SCN3A: variants seen among roughly 807,000 people sequenced by gnomAD.
The protein encoded by SCN3A is sodium channel protein type 3 subunit alpha.
SCN3A carries 60 observed loss-of-function variants against 187.6 expected under a neutral mutation model. The ratio of observed to expected loss-of-function variants is 0.32; its 90% CI spans 0.26 to 0.40. The LOEUF is 0.40. SCN3A is among the 10% of genes least tolerant of loss of function. The pLI is 1.00. For missense variants in SCN3A, 1,601 were observed against 2,428.2 expected, an observed-to-expected ratio of 0.66 and a Z score of 7.16; for synonymous variants, 788 against 829.2, an observed-to-expected ratio of 0.95 and a Z score of 0.85.
chr2:165,163,483 A>G (rs1490163878), intron 7 of SCN3A, 135 bp downstream of exon 7: 15 of 1,070,188 alleles, frequency 1.4e-5, no homozygotes, highest in Non-Finnish European at 2.0e-5. Flanking sequence ...AGCTAAACTG[A>G]CATTGAAACA....
chr2:165,090,247 G>C lies in SCN3A; in HGVS notation c.5906C>G (p.Ser1969Cys), dbSNP rs1412791465. 3.1e-6 allele frequency: 5 copies of C among 1,611,202 alleles called. No homozygotes were observed. The highest frequency in any genetic ancestry group is 4.2e-6 in the Non-Finnish European group (5 of 1,178,180). The change falls in exon 28 of 28, where the codon TCC (serine) becomes TGC (cysteine). Residue 1969 changes from serine (S) to cysteine (C), a missense_variant. This residue lies in a region of SCN3A where 87 missense variants were observed against 89.2 expected (regional missense o/e 0.98). Transcript: ENST00000283254. This position sits in a 1 kb window ranked among gnomAD's most constrained non-coding sequence, Gnocchi z 4.0. ...GTCTGGTTTTGTTACACTATCATAG[G>C]AAGGAGGAGAGGTGGTAGAGGAACT... Reference protein sequence around the residue: ...DGSSSTTSPPSYDSVTKPDKE... With the variant: ...DGSSSTTSPPCYDSVTKPDKE...
At chr2:165,162,222 C>T (rs915711028) in intron 9 of SCN3A, 86 bp downstream of exon 9, 5 of 1,202,640 alleles carry the variant, frequency 4.2e-6, no homozygotes, top group Non-Finnish European at 4.9e-6. Flanking sequence ...GGTAAGGCTA[C>T]ACATATAACC....
At chr2:165,102,944 T>C (rs1685676501) in intron 21 of SCN3A, among the ~76,000 whole-genome samples, 1 of 152,186 alleles carries the variant, frequency 6.6e-6, no homozygotes, top group Non-Finnish European at 1.5e-5. Flanking sequence ...TCACTGCAGA[T>C]TGGTTTAATC....
At chr2:165,141,906 A>G (rs924712790) in intron 12 of SCN3A, among the ~76,000 whole-genome samples, 1 of 152,242 alleles carries the variant, frequency 6.6e-6, no homozygotes, top group Non-Finnish European at 1.5e-5. Context: ...AGCTATTCCC[A>G]GATAAATTAA....
intron 21 of SCN3A, among the ~76,000 whole-genome samples, chr2:165,109,477 C>G (rs1391584664): frequency 6.6e-6 from 1 of 152,162 alleles, no homozygotes. Flanking sequence ...CCTGCCAAAT[C>G]TTTTTCTGAT....
At chr2:165,184,773 G>A (rs1029054034) in intron 2 of SCN3A, among the ~76,000 whole-genome samples, 1 of 152,082 alleles carries the variant, frequency 6.6e-6, no homozygotes, top group Non-Finnish European at 1.5e-5. Context: ...GGAGTTATTT[G>A]ATGATAAATT....
Position 165,096,527 on chromosome 2 carries a change from A to G in SCN3A, c.4240-7T>C. The G allele has an allele frequency of 3.1e-6, 5 of 1,604,856 alleles. No individual in the cohort carries two copies. Among genetic ancestry groups the G allele is most frequent in the Non-Finnish European group, 4.3e-6 (5 of 1,171,944 alleles). On this transcript the variant is annotated splice_polypyrimidine_tract_variant and splice_region_variant and intron_variant, in intron 23 of 27. Coordinates refer to ENST00000283254, the MANE Select transcript of SCN3A (RefSeq NM_006922.4). ...TCCAGCCTTTAAATGTGGCCTGTAA[A>G]TAACATATATTTGAATTGTTCATAA...
chr2:165,145,591 A>T (rs932272490), intron 12 of SCN3A, among the ~76,000 whole-genome samples: 2 of 152,082 alleles, frequency 1.3e-5, no homozygotes, highest in Non-Finnish European at 2.9e-5. Flanking sequence ...TATTAAAGAT[A>T]GATTATAAAA....
chr2:165,097,299 C>G lies in SCN3A; in HGVS notation c.4192G>C (p.Val1398Leu). 1 of 1,614,096 alleles carries G rather than the reference C, an allele frequency of 6.2e-7. No individual in the cohort carries two copies. Among genetic ancestry groups the G allele is most frequent in the Non-Finnish European group, 8.5e-7 (1 of 1,179,990 alleles). Reference protein sequence around the residue: ...GKQARWKNVKVNFDNVGAGYL... With the variant: ...GKQARWKNVKLNFDNVGAGYL... The stretch of plus-strand genomic sequence containing the variant: ...CCAGCGCCAACATTATCAAAGTTTA[C>G]TTTCACGTTTTTCCACCGAGCTTGC... Residue 1398 changes from valine (V) to leucine (L), a missense_variant, in exon 23 of 28, where the codon GTA (valine) becomes CTA (leucine). By Grantham distance (32) the Val-to-Leu change is conservative. Coordinates refer to ENST00000283254, the MANE Select transcript of SCN3A (RefSeq NM_006922.4).
chr2:165,160,264 A>G (rs1029807522), intron 9 of SCN3A, among the ~76,000 whole-genome samples: 4 of 152,208 alleles, frequency 2.6e-5, no homozygotes, highest in Non-Finnish European at 5.9e-5. Context: ...ATTCTACATT[A>G]TGGTGACTTG....
At chr2:165,109,446 T>C (rs1169463612) in intron 21 of SCN3A, among the ~76,000 whole-genome samples, 5 of 152,178 alleles carry the variant, frequency 3.3e-5, no homozygotes, top group Admixed American at 6.5e-5. Flanking sequence ...TACATCTCTC[T>C]CCCACCCATC....
chr2:165,132,490 G>A (rs1440271930), intron 15 of SCN3A, among the ~76,000 whole-genome samples: 1 of 152,120 alleles, frequency 6.6e-6, no homozygotes, highest in African/African-American at 2.4e-5. Flanking sequence ...ATCTACAACT[G>A]TCTAATCTTT....
intron 15 of SCN3A, among the ~76,000 whole-genome samples, chr2:165,134,945 C>T (rs1214303877): frequency 6.6e-6 from 1 of 151,760 alleles, no homozygotes. Flanking sequence ...TAAATTTACG[C>T]TTATCTAAAA....
Position 165,095,631 on chromosome 2 carries a change from T to C in SCN3A, c.4311A>G (p.Val1437=), listed in dbSNP as rs764045913. The C allele has an allele frequency of 3.4e-6, 5 of 1,460,476 alleles. 1 individual carries two copies. In the South Asian group the frequency reaches 3.5e-5, roughly 10 times the overall value. 90.5% of individuals were successfully genotyped at this position (1,460,476 alleles called of 1,614,324 possible). A position where few individuals can be genotyped will look rare whatever the true frequency, so the allele number is the denominator to read the frequency against. The stretch of plus-strand genomic sequence containing the variant: ...AATACATGTACAGATTTTCTTCATA[T>C]ACAGGCTGAAGTTTAACCTAAATGA... The part of the protein sequence containing the change: ...VDSRDVKLQP[V]YEENLYMYLY... Residue 1437 remains valine, a synonymous_variant, in exon 25 of 28, where the codon GTA becomes GTG. Coordinates refer to ENST00000283254, the MANE Select transcript of SCN3A (RefSeq NM_006922.4).
intron 2 of SCN3A, among the ~76,000 whole-genome samples, chr2:165,177,839 T>C (rs1322054430): frequency 6.6e-6 from 1 of 152,136 alleles, no homozygotes; most frequent in African/African-American, 2.4e-5. Flanking sequence ...AAAATCACAT[T>C]TAAAAAATCA....
chr2:165,102,752 G>A (rs1002276847), intron 21 of SCN3A, among the ~76,000 whole-genome samples: 1 of 152,122 alleles, frequency 6.6e-6, no homozygotes, highest in African/African-American at 2.4e-5. Context: ...AGGATCAGAG[G>A]AAATTAGCAC....
At chr2:165,154,360 A>G (rs978328645) in intron 11 of SCN3A, 92 bp downstream of exon 11, 4 of 1,338,516 alleles carry the variant, frequency 3.0e-6, no homozygotes, top group African/African-American at 2.9e-5. Flanking sequence ...AAAATGAAAA[A>G]GCAGTTCCAA....
chr2:165,179,551 C>A (rs546983720), intron 2 of SCN3A: 1 of 152,150 alleles, frequency 6.6e-6, no homozygotes, highest in South Asian at 2.1e-4. Context: ...TAGTCCTTTA[C>A]CTTCTTATTT....
chr2:165,189,479 TTAGGA>T (rs780240187), intron 1 of SCN3A, among the ~76,000 whole-genome samples: 7 of 152,188 alleles, frequency 4.6e-5, no homozygotes, highest in Non-Finnish European at 1.0e-4. Flanking sequence ...TTTTAGTAAT[TTAGGA>T]GAAATTCTTT....
Sources: gnomAD v4.1 joint callset for allele counts (sites outside exome capture counted in the v4.1 genomes callset) on GRCh38, gnomAD v4.1.1 for gene constraint, gnomAD v4.1.1 regional missense constraint, Gnocchi (gnomAD v3.1) non-coding constraint, MANE v1.5 for transcripts, NCBI Gene and HGNC (gene_info 2026-07-23, HGNC 2026-07-21) for gene names.